Variants in TSHZ2 observed in about 807,000 individuals in gnomAD.
TSHZ2 encodes the protein teashirt zinc finger homeobox 2.
In TSHZ2, 21 loss-of-function variants were observed where a neutral mutation model predicts 74.4. That is an observed-to-expected ratio of 0.28 (90% CI 0.20 to 0.41). TSHZ2 has a LOEUF of 0.41. Ranked by LOEUF, TSHZ2 falls within the 10% of genes least tolerant of loss-of-function variation. The probability of loss-of-function intolerance (pLI) is 1.00; values close to 1 mark genes in which losing one functional copy is unlikely to be tolerated. For synonymous variants in TSHZ2, 540 were observed against 515.3 expected (o/e 1.05, Z -0.65); for missense variants, 1,244 against 1,293.5 (o/e 0.96, Z 0.59).
intron 1 of TSHZ2, among the ~76,000 whole-genome samples, chr20:52,997,609 G>C (rs1174669992): frequency 6.6e-6 from 1 of 151,906 alleles, no homozygotes; most frequent in Non-Finnish European, 1.5e-5. Context: ...CCTCTCCCCA[G>C]CCCTACCCTC....
intron 1 of TSHZ2, among the ~76,000 whole-genome samples, chr20:53,077,138 C>T (rs114898057): frequency 0.011 from 1,643 of 152,230 alleles, 21 homozygotes; most frequent in African/African-American, 0.037. Context: ...GGAGGCCAGG[C>T]ACGATGGCCC....
chr20:53,331,761 T>A (rs1001155524), intron 2 of TSHZ2, among the ~76,000 whole-genome samples: 2 of 151,818 alleles, frequency 1.3e-5, no homozygotes, highest in Non-Finnish European at 1.5e-5. Flanking sequence ...AGCAGAATGT[T>A]TTCCTGGGTG....
At chr20:53,428,816 T>C (rs189374436) in intron 2 of TSHZ2, among the ~76,000 whole-genome samples, 50 of 152,308 alleles carry the variant, frequency 3.3e-4, no homozygotes, top group African/African-American at 1.1e-3. Context: ...AAAAATGTCA[T>C]GCATGTGAAT....
At chr20:53,348,809 C>T (rs1232101269) in intron 2 of TSHZ2, among the ~76,000 whole-genome samples, 1 of 152,162 alleles carries the variant, frequency 6.6e-6, no homozygotes, top group African/African-American at 2.4e-5. Flanking sequence ...AGATATTTTC[C>T]TTCAAAGTAC....
At chr20:53,226,152 ACACACACATG>A (rs1364114309) in intron 1 of TSHZ2, among the ~76,000 whole-genome samples, 19 of 126,474 alleles carry the variant, frequency 1.5e-4, no homozygotes, top group Admixed American at 2.3e-4. Flanking sequence ...ACACACACAC[ACACACACATG>A]CACACAAACA....
chr20:53,431,469 A>G (rs913670680), intron 2 of TSHZ2, among the ~76,000 whole-genome samples: 1 of 151,234 alleles, frequency 6.6e-6, no homozygotes, highest in Admixed American at 6.6e-5. Flanking sequence ...AAAAAAAAAA[A>G]AAGAAGAAGA....
chr20:52,973,575 T>C (rs1981214011), intron 1 of TSHZ2, among the ~76,000 whole-genome samples: 1 of 152,150 alleles, frequency 6.6e-6, no homozygotes, highest in Non-Finnish European at 1.5e-5. Context: ...CTTTCTTTCC[T>C]CCACCCTCTA....
At chr20:53,336,444 C>T (rs143978488) in intron 2 of TSHZ2, among the ~76,000 whole-genome samples, 2 of 152,182 alleles carry the variant, frequency 1.3e-5, no homozygotes, top group African/African-American at 4.8e-5. Flanking sequence ...TATTTAGGAC[C>T]CTTTCCATGA....
Position 53,304,696 on chromosome 20 carries a change from A to T in TSHZ2, c.*8+48125A>T, listed in dbSNP as rs191788221. ...TGCCAGGCTGGAATGCAGTGGCGCAATCTTGGCTCACTGCAACCTCTGCCT... is the reference window on the plus strand; with the variant it reads ...TGCCAGGCTGGAATGCAGTGGCGCATTCTTGGCTCACTGCAACCTCTGCCT... On this transcript the variant is annotated intron_variant, in intron 2 of 2. Transcript: ENST00000371497. Among the ~76,000 whole-genome samples, 63 of 152,264 alleles carry T rather than the reference A, an allele frequency of 4.1e-4. No individual in the cohort carries two copies. In the East Asian group the frequency reaches 0.011, roughly 28 times the overall value.
At chr20:53,275,102 C>T (rs1347560235) in intron 2 of TSHZ2, among the ~76,000 whole-genome samples, 1 of 152,032 alleles carries the variant, frequency 6.6e-6, no homozygotes, top group East Asian at 1.9e-4. Flanking sequence ...GGGAAAAGTA[C>T]CCTAATATAA....
At chr20:53,082,798 C>A (rs1238122205) in intron 1 of TSHZ2, among the ~76,000 whole-genome samples, 2 of 152,164 alleles carry the variant, frequency 1.3e-5, no homozygotes, top group African/African-American at 4.8e-5. Flanking sequence ...ATCACAAAGT[C>A]CGTTATGGGA....
intron 1 of TSHZ2, chr20:53,185,700 G>T: frequency 6.5e-7 from 1 of 1,536,078 alleles, no homozygotes; most frequent in Non-Finnish European, 8.7e-7. Flanking sequence ...CCCACTTGCT[G>T]CTAGAAAGTC....
rs71194458 is a variant in TSHZ2 at position 53,106,391 on chromosome 20, C to CTTTTTTTTTT, written c.40+133080_40+133089dup. Among the ~76,000 whole-genome samples, 179 of 58,982 alleles carry CTTTTTTTTTT rather than the reference C, an allele frequency of 3.0e-3. 44 individuals are homozygous for CTTTTTTTTTT. The highest frequency in any genetic ancestry group is 0.015 in the South Asian group (14 of 914). The allele number at this position is 58,982 out of a possible 152,430, so 38.7% of individuals were successfully genotyped here. ...TTCCTCTAGGGCCTTCTCACACTTT[C>CTTTTTTTTTT]TTTTTTTTTTTTTTTTTTTTTTTTT... is the stretch of plus-strand genomic sequence containing the variant. On this transcript the variant is annotated intron_variant, in intron 1 of 2. Coordinates refer to ENST00000371497, the MANE Select transcript of TSHZ2 (RefSeq NM_173485.6).
chr20:53,472,297 C>T (rs1023116676), intron 2 of TSHZ2, among the ~76,000 whole-genome samples: 3 of 152,118 alleles, frequency 2.0e-5, no homozygotes, highest in Non-Finnish European at 4.4e-5. Context: ...TGCAGGTGGC[C>T]GTGGAAATAC....
chr20:53,313,305 A>T (rs1184519388), intron 2 of TSHZ2, among the ~76,000 whole-genome samples: 1 of 152,250 alleles, frequency 6.6e-6, no homozygotes, highest in African/African-American at 2.4e-5. Flanking sequence ...GCCATTTTGC[A>T]TGGGAATATT....
At chr20:53,229,241 C>G (rs1215264224) in intron 1 of TSHZ2, among the ~76,000 whole-genome samples, 1 of 152,038 alleles carries the variant, frequency 6.6e-6, no homozygotes, top group Non-Finnish European at 1.5e-5. Context: ...TTCCAATAGC[C>G]CCACCCCCTA....
intron 2 of TSHZ2, among the ~76,000 whole-genome samples, chr20:53,265,144 G>A (rs1239847812): frequency 6.6e-6 from 1 of 152,108 alleles, no homozygotes; most frequent in Admixed American, 6.6e-5. Flanking sequence ...GCGTTCAGGG[G>A]TGGGGGAGAT....
In TSHZ2 at chr20:53,280,396, T is replaced by C. The variant is rs1991032087; in HGVS notation, c.*8+23825T>C. Among the ~76,000 whole-genome samples, 5 of 152,132 alleles carry C rather than the reference T, an allele frequency of 3.3e-5. No homozygotes were observed. In the South Asian group the frequency reaches 1.0e-3, roughly 32 times the overall value. Reference sequence around the variant, plus strand: ...TAGCATAAAATGACCTCCCATGATATAATGTGGCAAAATAAGCGAATTAAT... The same window carrying C: ...TAGCATAAAATGACCTCCCATGATACAATGTGGCAAAATAAGCGAATTAAT... On this transcript the variant is annotated intron_variant, in intron 2 of 2. Coordinates refer to ENST00000371497, the MANE Select transcript of TSHZ2 (RefSeq NM_173485.6).
rs188419500 is a variant in TSHZ2, at chr20:53,292,131, A to T, written c.*8+35560A>T. 1.3e-4 allele frequency among the ~76,000 whole-genome samples: 20 copies of T among 152,304 alleles called. 1 individual carries two copies. In the East Asian group the frequency reaches 3.7e-3, roughly 28 times the overall value. On this transcript the variant is annotated intron_variant, in intron 2 of 2. Transcript: ENST00000371497. Reference sequence around the variant, plus strand: ...GAAGGTCTCACATATAATAATCTTAATAATAATGACTAATTATTGAGGCTT... The same window carrying T: ...GAAGGTCTCACATATAATAATCTTATTAATAATGACTAATTATTGAGGCTT...
Sources: allele counts gnomAD v4.1 joint callset (sites outside exome capture counted in the v4.1 genomes callset), GRCh38; gene constraint gnomAD v4.1.1; transcripts MANE v1.5; gene names NCBI Gene and HGNC (gene_info 2026-07-23, HGNC 2026-07-21).